CALN1: variants seen among roughly 807,000 people sequenced by gnomAD.
CALN1 encodes the protein calneuron 1, also known as calcium-binding protein 8.
In CALN1, 17 loss-of-function variants were observed where a neutral mutation model predicts 30.6. The ratio of observed to expected loss-of-function variants is 0.56; its 90% CI spans 0.38 to 0.83. The LOEUF is 0.83. Among genes scored for constraint, CALN1 ranks in the 40% least tolerant of loss-of-function variants. The probability of loss-of-function intolerance (pLI) is 0.00; values close to 1 mark genes in which losing one functional copy is unlikely to be tolerated. For missense variants in CALN1, 291 were observed against 354.9 expected, an observed-to-expected ratio of 0.82 and a Z score of 1.45; for synonymous variants, 156 against 131.4, an observed-to-expected ratio of 1.19 and a Z score of -1.28.
At chr7:72,352,214 T>A (rs892665276) in intron 2 of CALN1, among the ~76,000 whole-genome samples, 1 of 151,110 alleles carries the variant, frequency 6.6e-6, no homozygotes, top group African/African-American at 2.4e-5. Flanking sequence ...TTTAAAGTTA[T>A]CCCAACTCTA....
chr7:72,028,877 G>A (rs573936168), intron 4 of CALN1, among the ~76,000 whole-genome samples: 10 of 152,064 alleles, frequency 6.6e-5, no homozygotes, highest in Non-Finnish European at 1.2e-4. Context: ...TGTAATCCCA[G>A]CTACTTGGTA....
intron 5 of CALN1, among the ~76,000 whole-genome samples, chr7:71,824,356 C>A (rs1452191424): frequency 1.3e-5 from 2 of 152,152 alleles, no homozygotes; most frequent in African/African-American, 4.8e-5. Context: ...AGGTGGACTT[C>A]CCATGTTCAG....
chr7:72,034,201 A>G (rs1356835137), intron 4 of CALN1, among the ~76,000 whole-genome samples: 1 of 151,904 alleles, frequency 6.6e-6, no homozygotes, highest in Non-Finnish European at 1.5e-5. Flanking sequence ...AAAATACAAA[A>G]AAATTAGCTG....
chr7:72,159,883 G>A (rs1408036729), intron 3 of CALN1, among the ~76,000 whole-genome samples: 5 of 152,186 alleles, frequency 3.3e-5, no homozygotes, highest in Non-Finnish European at 5.9e-5. Flanking sequence ...TCCACTGAAG[G>A]TGAAAGAAAC....
chr7:72,424,839 C>A (rs1359865299), intron 1 of CALN1, among the ~76,000 whole-genome samples: 1 of 152,146 alleles, frequency 6.6e-6, no homozygotes, highest in Non-Finnish European at 1.5e-5. Context: ...TCAAAAGATT[C>A]TCTTGCCTCA....
chr7:71,931,062 TAA>T (rs941140983), intron 5 of CALN1, among the ~76,000 whole-genome samples: 6 of 152,188 alleles, frequency 3.9e-5, no homozygotes, highest in African/African-American at 1.4e-4. Context: ...AGGTACTTAA[TAA>T]GAGAGAAAAC....
At chr7:72,084,452 G>A (rs113740437) in intron 4 of CALN1, among the ~76,000 whole-genome samples, 19 of 150,784 alleles carry the variant, frequency 1.3e-4, no homozygotes, top group South Asian at 1.1e-3. Flanking sequence ...TGCGCCTCCC[G>A]GGTTCAAGCA....
the CALN1 span, among the ~76,000 whole-genome samples, chr7:72,503,840 A>T: frequency 6.6e-6 from 1 of 151,136 alleles, no homozygotes; most frequent in African/African-American, 2.4e-5. Context: ...GGAGGATCGC[A>T]GGAAATGCTA....
chr7:72,425,611 G>A (rs926968291), intron 1 of CALN1, among the ~76,000 whole-genome samples: 32 of 152,222 alleles, frequency 2.1e-4, no homozygotes, highest in African/African-American at 7.7e-4. Context: ...TACTATTGCA[G>A]CTAATGTTGA....
intron 2 of CALN1, among the ~76,000 whole-genome samples, chr7:72,321,922 CAG>C (rs1294494584): frequency 1.3e-5 from 2 of 152,312 alleles, no homozygotes; most frequent in South Asian, 2.1e-4. Context: ...CCACAAAACA[CAG>C]TGGTTTAGAC....
the CALN1 span, among the ~76,000 whole-genome samples, chr7:72,490,848 A>C: frequency 6.7e-4 from 102 of 152,278 alleles, no homozygotes; most frequent in Admixed American, 5.6e-3. Context: ...TTTCTTCATA[A>C]ATTACTCAGT....
chr7:72,159,556 G>A (rs1787954869), intron 3 of CALN1, among the ~76,000 whole-genome samples: 2 of 151,924 alleles, frequency 1.3e-5, no homozygotes, highest in South Asian at 4.2e-4. Context: ...CCAGCACTTT[G>A]GGAGGCCAAG....
chr7:71,919,154 GCTT>G (rs1794817236), intron 5 of CALN1, among the ~76,000 whole-genome samples: 1 of 152,132 alleles, frequency 6.6e-6, no homozygotes, highest in Admixed American at 6.5e-5. Context: ...ATGCTGCCAC[GCTT>G]CTTAACAGGC....
intron 2 of CALN1, among the ~76,000 whole-genome samples, chr7:72,371,017 C>T (rs1303600612): frequency 7.9e-6 from 1 of 125,910 alleles, no homozygotes; most frequent in Non-Finnish European, 1.6e-5. Context: ...CACAGAACTC[C>T]AACTTTGGTG....
chr7:72,008,434 TAAATA>T (rs1463896531), intron 5 of CALN1, among the ~76,000 whole-genome samples: 6 of 150,652 alleles, frequency 4.0e-5, no homozygotes, highest in Non-Finnish European at 7.4e-5. Context: ...AAAAGAAAAC[TAAATA>T]AAATAATTTA....
At chr7:72,134,637 C>T (rs1440484598) in intron 3 of CALN1, among the ~76,000 whole-genome samples, 1 of 152,188 alleles carries the variant, frequency 6.6e-6, no homozygotes, top group Non-Finnish European at 1.5e-5. Context: ...GAGCATTCAG[C>T]AGTTCATAAT....
Position 72,214,197 on chromosome 7 carries a change from A to T in CALN1, c.244+64489T>A, listed in dbSNP as rs183987925. Among the ~76,000 whole-genome samples, 456 of 152,330 alleles carry T rather than the reference A, an allele frequency of 3.0e-3. 2 individuals are homozygous for T. The highest frequency in any genetic ancestry group is 9.4e-3 in the African/African-American group (391 of 41,580). ...CCTTCTTTATAAATATTTGTATATTAGGCTGGGTGCAGTGGCTCACGCCTG... is the reference window on the plus strand; with the variant it reads ...CCTTCTTTATAAATATTTGTATATTTGGCTGGGTGCAGTGGCTCACGCCTG... On this transcript the variant is annotated intron_variant, in intron 3 of 6. Transcript: ENST00000395275.
chr7:72,401,360 T>C (rs1806329203), intron 2 of CALN1, among the ~76,000 whole-genome samples: 1 of 152,162 alleles, frequency 6.6e-6, no homozygotes, highest in Admixed American at 6.5e-5. Flanking sequence ...CTCCCTCCTC[T>C]GGCCCCACCC....
intron 5 of CALN1, among the ~76,000 whole-genome samples, chr7:71,994,878 A>T (rs1799167140): frequency 7.4e-6 from 1 of 135,094 alleles, no homozygotes; most frequent in Non-Finnish European, 1.6e-5. Flanking sequence ...TTCGAGACGG[A>T]GTCTGGCTCT....
Sources: allele counts gnomAD v4.1 joint callset (sites outside exome capture counted in the v4.1 genomes callset), GRCh38; gene constraint gnomAD v4.1.1; transcripts MANE v1.5; gene names NCBI Gene and HGNC (gene_info 2026-07-23, HGNC 2026-07-21).